The following AGMO variants were observed in gnomAD, a reference collection of about 807,000 sequenced individuals.
The protein encoded by AGMO is alkylglycerol monooxygenase, also known as glyceryl-ether monooxygenase.
Under a neutral mutation model 60.2 loss-of-function variants are expected in AGMO, and 75 were observed. The observed-to-expected ratio is 1.25, with a 90% CI of 1.03 to 1.51. The LOEUF (loss-of-function observed/expected upper bound fraction) is 1.51. Among genes scored for constraint, AGMO ranks in the 40% most tolerant of loss-of-function variants. The pLI is 0.00. For synonymous variants in AGMO, 261 were observed against 177.1 expected (o/e 1.47, Z -3.76); for missense variants, 763 against 525.5 (o/e 1.45, Z -4.42).
intron 12 of AGMO, among the ~76,000 whole-genome samples, chr7:15,259,112 A>G (rs1783192900): frequency 1.3e-5 from 2 of 152,128 alleles, no homozygotes; most frequent in Non-Finnish European, 2.9e-5. Context: ...AAAGCTAACC[A>G]AAGAGGAACC....
intron 12 of AGMO, among the ~76,000 whole-genome samples, chr7:15,300,825 A>AAT (rs1784543435): frequency 6.6e-6 from 1 of 152,282 alleles, no homozygotes; most frequent in South Asian, 2.1e-4. Flanking sequence ...ACTGAACTCT[A>AAT]AAGCCAAACA....
chr7:15,435,867 A>G (rs934629847), intron 3 of AGMO, among the ~76,000 whole-genome samples: 2 of 152,218 alleles, frequency 1.3e-5, no homozygotes, highest in African/African-American at 2.4e-5. Flanking sequence ...AATGCACTTT[A>G]AAATATGTTC....
chr7:15,322,623 T>A (rs866819257), intron 12 of AGMO, among the ~76,000 whole-genome samples: 5 of 57,574 alleles, frequency 8.7e-5, no homozygotes, highest in Non-Finnish European at 1.4e-4. Flanking sequence ...AATATATAAA[T>A]ATATATAAAT....
At chr7:15,510,831 T>C (rs1377559991) in intron 3 of AGMO, among the ~76,000 whole-genome samples, 1 of 148,556 alleles carries the variant, frequency 6.7e-6, no homozygotes, top group African/African-American at 2.4e-5. Flanking sequence ...ACAGGCTGAT[T>C]AATATAAACA....
At chr7:15,542,838 C>T (rs1010952615) in intron 3 of AGMO, among the ~76,000 whole-genome samples, 3 of 152,142 alleles carry the variant, frequency 2.0e-5, no homozygotes, top group African/African-American at 4.8e-5. Context: ...AAGGTTATCA[C>T]GCACAAACTT....
At chr7:15,345,022 C>T (rs771506781) in intron 12 of AGMO, among the ~76,000 whole-genome samples, 1 of 152,132 alleles carries the variant, frequency 6.6e-6, no homozygotes, top group Non-Finnish European at 1.5e-5. Flanking sequence ...AAGCCACTGT[C>T]ACATCTTTCC....
intron 12 of AGMO, among the ~76,000 whole-genome samples, chr7:15,340,452 T>TA (rs1226923096): frequency 6.6e-6 from 1 of 152,190 alleles, no homozygotes; most frequent in Non-Finnish European, 1.5e-5. Flanking sequence ...TTGGGCTTCA[T>TA]AAACTCCTGT....
chr7:15,432,483 G>A (rs1781282787), intron 3 of AGMO, among the ~76,000 whole-genome samples: 1 of 150,820 alleles, frequency 6.6e-6, no homozygotes, highest in Admixed American at 6.6e-5. Flanking sequence ...AAAGGTCTTG[G>A]TAAACAAATG....
At chr7:15,264,015 A>C (rs914598454) in intron 12 of AGMO, among the ~76,000 whole-genome samples, 1 of 152,054 alleles carries the variant, frequency 6.6e-6, no homozygotes, top group African/African-American at 2.4e-5. Flanking sequence ...CCATTAAAGA[A>C]TTTATTCATG....
chr7:15,394,265 A>C, intron 5 of AGMO, 86 bp from the exon 6 acceptor site: 1 of 1,030,728 alleles, frequency 9.7e-7, no homozygotes, highest in Middle Eastern at 2.3e-4. Flanking sequence ...AAACTCACAT[A>C]AATTAAGAGA....
chr7:15,201,757 T>G (rs544575264), intron 12 of AGMO, among the ~76,000 whole-genome samples: 18 of 152,264 alleles, frequency 1.2e-4, no homozygotes, highest in Admixed American at 4.6e-4. Flanking sequence ...GTAAAAACAC[T>G]GTTAAAGAAT....
intron 3 of AGMO, among the ~76,000 whole-genome samples, chr7:15,459,646 AC>A (rs1403179024): frequency 2.5e-5 from 2 of 79,732 alleles, no homozygotes; most frequent in African/African-American, 5.1e-5. Context: ...TCATTAAAAA[AC>A]ATCACACCAC....
At position 15,418,069 on chromosome 7, in the gene AGMO, C is replaced by T. The variant is rs185707381; in HGVS notation, c.609+489G>A. On this transcript the variant is annotated intron_variant, in intron 5 of 12. Transcript: ENST00000342526. ...TTTTTGGAAAAAAATTAACAATATA[C>T]TGAACAATTTTAAATAAAATTTAAT... Among the ~76,000 whole-genome samples, 657 of 152,072 alleles carry T rather than the reference C, an allele frequency of 4.3e-3. 5 individuals carry two copies. Among genetic ancestry groups the T allele is most frequent in the Middle Eastern group, 0.021 (6 of 292 alleles).
At chr7:15,216,686 T>A (rs929790176) in intron 12 of AGMO, among the ~76,000 whole-genome samples, 6 of 152,142 alleles carry the variant, frequency 3.9e-5, no homozygotes, top group African/African-American at 1.4e-4. Flanking sequence ...AAAATCAAGT[T>A]TTTTTAAGAT....
chr7:15,413,734 C>CA (rs1364406032), intron 5 of AGMO, among the ~76,000 whole-genome samples: 6 of 152,042 alleles, frequency 3.9e-5, no homozygotes, highest in African/African-American at 1.4e-4. Flanking sequence ...AAGTATCTTT[C>CA]AAAAATTAAG....
chr7:15,339,342 C>G (rs1362536980), intron 12 of AGMO, among the ~76,000 whole-genome samples: 1 of 152,132 alleles, frequency 6.6e-6, no homozygotes, highest in African/African-American at 2.4e-5. Flanking sequence ...AAATGGAATG[C>G]TGTCATTTTT....
intron 3 of AGMO, among the ~76,000 whole-genome samples, chr7:15,533,851 T>C (rs981233715): frequency 6.6e-6 from 1 of 152,136 alleles, no homozygotes; most frequent in East Asian, 1.9e-4. Flanking sequence ...ACGTGTCTTC[T>C]TCATTCTTCA....
rs185583575 is a variant in AGMO at position 15,537,700 on chromosome 7, T to C, written c.409+7072A>G. On this transcript the variant is annotated intron_variant, in intron 3 of 12. Coordinates refer to ENST00000342526, the MANE Select transcript of AGMO (RefSeq NM_001004320.2). ...CCTGTTTAATAATTCAATGAATTTA[T>C]GCTTACAAACCCTTGATAATAGCCA... 1.8e-4 allele frequency among the ~76,000 whole-genome samples: 27 copies of C among 152,310 alleles called. No homozygotes were observed. The East Asian group carries it at 5.0e-3, about 28-fold the overall frequency.
At chr7:15,135,700 T>C in the AGMO span, among the ~76,000 whole-genome samples, 1 of 151,904 alleles carries the variant, frequency 6.6e-6, no homozygotes, top group African/African-American at 2.4e-5. Flanking sequence ...TTTTAATTTC[T>C]TCTGGTATTC....
Sources: gnomAD v4.1 joint callset for allele counts (sites outside exome capture counted in the v4.1 genomes callset) on GRCh38, gnomAD v4.1.1 for gene constraint, MANE v1.5 for transcripts, NCBI Gene and HGNC (gene_info 2026-07-23, HGNC 2026-07-21) for gene names.